The following DOCK4 variants were observed in gnomAD, a reference collection of about 807,000 sequenced individuals.
DOCK4 encodes dedicator of cytokinesis protein 4.
A neutral mutation model predicts 268.1 loss-of-function variants in DOCK4; 97 were observed. That is an observed-to-expected ratio of 0.36 (90% CI 0.31 to 0.43). The LOEUF is 0.43. Among genes scored for constraint, DOCK4 ranks in the 20% least tolerant of loss-of-function variants. The probability of loss-of-function intolerance (pLI) is 1.00; values close to 1 mark genes in which losing one functional copy is unlikely to be tolerated. For missense variants in DOCK4, 2,145 were observed against 2,455.7 expected (o/e 0.87, Z 2.67); for synonymous variants, 954 against 887.2 (o/e 1.08, Z -1.34).
chr7:112,164,883 C>G (rs1817453836), intron 1 of DOCK4, among the ~76,000 whole-genome samples: 1 of 152,174 alleles, frequency 6.6e-6, no homozygotes, highest in African/African-American at 2.4e-5. Context: ...GAAAATGTCT[C>G]TTACTGGTAA....
intron 52 of DOCK4, among the ~76,000 whole-genome samples, chr7:111,731,798 C>T (rs1053284650): frequency 3.9e-5 from 6 of 152,080 alleles, no homozygotes; most frequent in African/African-American, 9.6e-5. Context: ...GTTTGGCTGA[C>T]GATAAAGGCA....
At chr7:111,828,561 A>G (rs934235623) in intron 26 of DOCK4, among the ~76,000 whole-genome samples, 2 of 152,240 alleles carry the variant, frequency 1.3e-5, no homozygotes, top group African/African-American at 4.8e-5. Flanking sequence ...CAACATGAAT[A>G]TTCATTTGAA....
At position 112,206,395 on chromosome 7, in the gene DOCK4, G is replaced by C. The variant is rs1821414350; in HGVS notation, c.-257C>G. On this transcript the variant is annotated 5_prime_UTR_variant, in exon 1 of 53. The change creates a new upstream start codon in the 5' untranslated region. Coordinates refer to ENST00000428084, the MANE Select transcript of DOCK4 (RefSeq NM_001363540.2). ...TACCCGGCGGCGCAGTCATTGTTCT[G>C]ATTCACTGAACTAAGCGAACACGCC... 1.7e-6 allele frequency: 1 copy of C among 586,712 alleles called. No individual in the cohort carries two copies. Among genetic ancestry groups the C allele is most frequent in the South Asian group, 2.0e-5 (1 of 48,782 alleles). The allele number at this position is 586,712 out of a possible 1,614,324, so 36.3% of individuals were successfully genotyped here. A position where few individuals can be genotyped will look rare whatever the true frequency, so the allele number is the denominator to read the frequency against.
At chr7:112,000,028 T>A (rs1039473057) in intron 3 of DOCK4, among the ~76,000 whole-genome samples, 1 of 152,126 alleles carries the variant, frequency 6.6e-6, no homozygotes, top group Non-Finnish European at 1.5e-5. Flanking sequence ...ATGGGTTTTT[T>A]AATAATATTG....
chr7:111,938,390 A>G (rs1406087460), intron 11 of DOCK4, among the ~76,000 whole-genome samples: 2 of 152,200 alleles, frequency 1.3e-5, no homozygotes, highest in African/African-American at 2.4e-5. Context: ...TGAAAAATCT[A>G]CTGGCACATA....
At chr7:111,878,692 T>C (rs1807121075) in intron 16 of DOCK4, among the ~76,000 whole-genome samples, 1 of 151,988 alleles carries the variant, frequency 6.6e-6, no homozygotes. Flanking sequence ...GGACTTTACA[T>C]TGAACTCACT....
intron 1 of DOCK4, among the ~76,000 whole-genome samples, chr7:112,182,917 T>A (rs1015615660): frequency 6.6e-6 from 1 of 152,234 alleles, no homozygotes; most frequent in Non-Finnish European, 1.5e-5. Flanking sequence ...AGGAACTGCC[T>A]GGGCCCCAGC....
At chr7:111,910,807 G>A (rs1157407123) in intron 13 of DOCK4, among the ~76,000 whole-genome samples, 1 of 152,112 alleles carries the variant, frequency 6.6e-6, no homozygotes, top group Non-Finnish European at 1.5e-5. Flanking sequence ...TTCTCAGTTG[G>A]AAGTCTGACA....
intron 30 of DOCK4, among the ~76,000 whole-genome samples, chr7:111,793,520 T>C (rs757918681): frequency 1.3e-5 from 2 of 152,250 alleles, no homozygotes; most frequent in Admixed American, 6.5e-5. Flanking sequence ...GTCAAGATCA[T>C]AAAAATGTAC....
chr7:111,836,101 G>C (rs1586132668), intron 25 of DOCK4, among the ~76,000 whole-genome samples: 1 of 151,982 alleles, frequency 6.6e-6, no homozygotes, highest in African/African-American at 2.4e-5. Context: ...TTTTGTATAT[G>C]TGTGTAAGGT....
rs6960976 is a variant in DOCK4, at chr7:111,953,292, G to A, written c.702-7494C>T. Among the ~76,000 whole-genome samples, 1,031 of 152,234 alleles carry A rather than the reference G, an allele frequency of 6.8e-3. 15 individuals are homozygous for A. Among genetic ancestry groups the A allele is most frequent in the African/African-American group, 0.023 (970 of 41,528 alleles). ...ATTCTACACTGAGTAGGTGTGAAGGGAGACACACCAGAAGCTAAGGGGTGG... is the reference window on the plus strand; with the variant it reads ...ATTCTACACTGAGTAGGTGTGAAGGAAGACACACCAGAAGCTAAGGGGTGG... On this transcript the variant is annotated intron_variant, in intron 8 of 52. Transcript: ENST00000428084.
intron 1 of DOCK4, among the ~76,000 whole-genome samples, chr7:112,109,084 C>A (rs1811395155): frequency 1.3e-5 from 2 of 152,020 alleles, no homozygotes; most frequent in African/African-American, 4.8e-5. Context: ...GGATTTATCT[C>A]AATAAGAGAT....
intron 1 of DOCK4, among the ~76,000 whole-genome samples, chr7:112,042,553 C>T (rs1804481590): frequency 6.6e-6 from 1 of 152,108 alleles, no homozygotes; most frequent in African/African-American, 2.4e-5. Flanking sequence ...GACAAAAAAA[C>T]AGAGCAAATA....
chr7:111,831,647 G>A (rs1031730085), intron 26 of DOCK4, among the ~76,000 whole-genome samples: 1 of 151,962 alleles, frequency 6.6e-6, no homozygotes, highest in Non-Finnish European at 1.5e-5. Flanking sequence ...ACCATACCCA[G>A]CTAGTTTTTA....
intron 1 of DOCK4, among the ~76,000 whole-genome samples, chr7:112,087,766 C>T (rs1412208427): frequency 6.6e-6 from 1 of 152,102 alleles, no homozygotes; most frequent in Admixed American, 6.6e-5. Flanking sequence ...AAATGGGTAT[C>T]TAACTCCTGA....
intron 1 of DOCK4, among the ~76,000 whole-genome samples, chr7:112,027,979 G>A (rs1464995130): frequency 6.6e-6 from 1 of 152,158 alleles, no homozygotes; most frequent in Non-Finnish European, 1.5e-5. Context: ...GTGAGTACAG[G>A]GCAGTACATA....
In DOCK4 at chr7:112,133,140, G is replaced by A. The variant is rs150290696; in HGVS notation, c.37+72962C>T. On this transcript the variant is annotated intron_variant, in intron 1 of 52. Coordinates refer to ENST00000428084, the MANE Select transcript of DOCK4 (RefSeq NM_001363540.2). ...CCAGAATAGGGATACAGGTCATACC[G>A]CATCTCTCTAGTGTTTTGAGGAGAG... Among the ~76,000 whole-genome samples, 8 of 152,190 alleles carry A rather than the reference G, an allele frequency of 5.3e-5. No individual in the cohort carries two copies. The East Asian group carries it at 5.8e-4, about 11-fold the overall frequency.
chr7:111,762,449 G>A (rs1402988787), intron 39 of DOCK4, among the ~76,000 whole-genome samples: 9 of 152,072 alleles, frequency 5.9e-5, no homozygotes, highest in Non-Finnish European at 1.3e-4. Context: ...ATTATACAAT[G>A]TGCTGGCCTT....
chr7:111,938,950 G>A (rs1167070305), intron 11 of DOCK4, among the ~76,000 whole-genome samples: 1 of 149,368 alleles, frequency 6.7e-6, no homozygotes, highest in Non-Finnish European at 1.5e-5. Context: ...CTCCAGCCTG[G>A]GTGACAGAGC....
Sources: gnomAD v4.1 joint callset for allele counts (sites outside exome capture counted in the v4.1 genomes callset) on GRCh38, gnomAD v4.1.1 for gene constraint, MANE v1.5 for transcripts, NCBI Gene and HGNC (gene_info 2026-07-23, HGNC 2026-07-21) for gene names.